Variants in GFM1 observed in about 807,000 individuals in gnomAD.
The protein encoded by GFM1 is G elongation factor mitochondrial 1, also known as elongation factor G, mitochondrial.
Under a neutral mutation model 96.2 loss-of-function variants are expected in GFM1, and 62 were observed. The observed-to-expected ratio is 0.64, with a 90% CI of 0.53 to 0.80. The LOEUF (loss-of-function observed/expected upper bound fraction) is 0.80, where lower values mean the gene tolerates loss of function less well. GFM1 is among the 30% of genes least tolerant of loss of function. The pLI, the probability that GFM1 is intolerant of heterozygous loss-of-function variation, is 0.00. For missense variants in GFM1, 852 were observed against 916.6 expected (o/e 0.93, Z 0.91); for synonymous variants, 282 against 312.9 (o/e 0.90, Z 1.04).
chr3:158,650,959 T>TG (rs1722243411), intron 5 of GFM1: 1 of 133,978 alleles, frequency 7.5e-6, no homozygotes, highest in African/African-American at 2.9e-5. Context: ...AGGCAGAGCT[T>TG]GCAGTGAGCC....
At chr3:158,690,398 C>G in intron 16 of GFM1, 75 bp downstream of exon 16, 1 of 1,360,538 alleles carries the variant, frequency 7.4e-7, no homozygotes, top group African/African-American at 1.4e-5. Context: ...TTTGTTTTTG[C>G]AAATGGACAC....
chr3:158,647,984 G>T, intron 4 of GFM1, among the ~76,000 whole-genome samples: 1 of 151,900 alleles, frequency 6.6e-6, no homozygotes, highest in South Asian at 2.1e-4. Flanking sequence ...TTTGGATTGG[G>T]CTTATGAGAG....
chr3:158,682,071 G>T lies in GFM1; in HGVS notation c.1678G>T (p.Asp560Tyr). 1 of 1,613,458 alleles carries T rather than the reference G, an allele frequency of 6.2e-7. No homozygotes were observed. Residue 560 changes from aspartate (D) to tyrosine (Y), a missense_variant, in exon 14 of 18, where the codon GAC becomes TAC. By Grantham distance (160) the Asp-to-Tyr change is radical. Coordinates refer to ENST00000486715, the MANE Select transcript of GFM1 (RefSeq NM_024996.7). ...GKVIGVLEPL[D>Y]PEDYTKLEFS... The stretch of plus-strand genomic sequence containing the variant: ...AGTAATAGGTGTCCTGGAGCCTCTG[G>T]ACCCAGAGGACTACACTAAATTGGA...
chr3:158,669,508 G>A lies in GFM1; in HGVS notation c.1601+3122G>A, dbSNP rs1408593869. On this transcript the variant is annotated intron_variant, in intron 13 of 17. Coordinates refer to ENST00000486715, the MANE Select transcript of GFM1 (RefSeq NM_024996.7). Reference sequence around the variant, plus strand: ...TAAAATGTGTTGTCTTCTTCATCTGGATTCTTTCCAGTTTCTCCTTCAAAT... The same window carrying A: ...TAAAATGTGTTGTCTTCTTCATCTGAATTCTTTCCAGTTTCTCCTTCAAAT... 5 of 1,613,852 alleles carry A rather than the reference G, an allele frequency of 3.1e-6. No individual in the cohort carries two copies. The highest frequency in any genetic ancestry group is 4.2e-6 in the Non-Finnish European group (5 of 1,179,864).
intron 5 of GFM1, among the ~76,000 whole-genome samples, chr3:158,651,720 G>C (rs1294791954): frequency 6.6e-6 from 1 of 152,112 alleles, no homozygotes; most frequent in African/African-American, 2.4e-5. Flanking sequence ...GATAAACCAG[G>C]TTGCATTAAA....
chr3:158,690,092 T>C (rs1726179980), intron 15 of GFM1, 71 bp from the exon 16 acceptor site: 1 of 1,370,120 alleles, frequency 7.3e-7, no homozygotes, highest in Admixed American at 1.7e-5. Flanking sequence ...TTTTTCTCCC[T>C]TTTTTATATC....
chr3:158,672,292 G>A, intron 13 of GFM1: 6 of 1,599,712 alleles, frequency 3.8e-6, no homozygotes, highest in South Asian at 1.1e-5. Flanking sequence ...GACCGCGGGT[G>A]AGTGGAGGGA....
intron 5 of GFM1, 136 bp downstream of exon 5, chr3:158,649,293 T>G (rs1395777843): frequency 1.2e-5 from 7 of 579,978 alleles, no homozygotes; most frequent in Middle Eastern, 9.9e-4. Context: ...TGGTTTTGTT[T>G]TAATACCTTT....
rs139290117 is a variant in GFM1, at chr3:158,668,249, C to A, written c.1601+1863C>A. On this transcript the variant is annotated intron_variant, in intron 13 of 17. Coordinates refer to ENST00000486715, the MANE Select transcript of GFM1 (RefSeq NM_024996.7). The stretch of plus-strand genomic sequence containing the variant: ...TAACCTATGCATACCTTCTCATATA[C>A]TTTAAATCATCTCTAGATTACTTAT... Among the ~76,000 whole-genome samples the A allele has an allele frequency of 9.4e-3, 1,427 of 152,252 alleles. 13 individuals carry two copies. Among genetic ancestry groups the A allele is most frequent in the Non-Finnish European group, 0.016 (1,084 of 68,020 alleles).
At position 158,653,404 on chromosome 3, in the gene GFM1, C is replaced by T; in HGVS notation, c.935C>T (p.Ala312Val). The change falls in exon 7 of 18, where the codon GCT (alanine) becomes GTT (valine). Residue 312 changes from alanine (A) to valine (V), a missense_variant. Physicochemically the swap from Ala to Val is moderately conservative, Grantham distance 64 (BLOSUM62 0). Coordinates refer to ENST00000486715, the MANE Select transcript of GFM1 (RefSeq NM_024996.7). Reference protein sequence around the residue: ...KNKGVQPLLDAVLEYLPNPSE... With the variant: ...KNKGVQPLLDVVLEYLPNPSE... ...AAAGGAGTTCAGCCTCTTTTAGATG[C>T]TGTTTTAGAATACCTCCCAAATCCA... 1 of 1,612,674 alleles carries T rather than the reference C, an allele frequency of 6.2e-7. No homozygotes were observed. Among genetic ancestry groups the T allele is most frequent in the South Asian group, 1.1e-5 (1 of 91,064 alleles).
rs372849837 is a variant in GFM1 at position 158,658,992 on chromosome 3, A to G, written c.1154A>G (p.Tyr385Cys). The change falls in exon 9 of 18, where the codon TAT becomes TGT. Residue 385 changes from tyrosine to cysteine, a missense_variant. Tyr to Cys is a radical substitution (Grantham distance 194, BLOSUM62 -2). Transcript: ENST00000486715. ...GAGCTAAAGAAGGGTGACACCATCTATAACACAAGGACAAGAAAGAAAGTA... is the reference window on the plus strand; with the variant it reads ...GAGCTAAAGAAGGGTGACACCATCTGTAACACAAGGACAAGAAAGAAAGTA... ...QGELKKGDTIYNTRTRKKVRL... is the reference protein window; with the variant it reads ...QGELKKGDTICNTRTRKKVRL... 21 of 1,614,086 alleles carry G rather than the reference A, an allele frequency of 1.3e-5. No homozygotes were observed. The highest frequency in any genetic ancestry group is 2.2e-5 in the South Asian group (2 of 91,090).
intron 13 of GFM1, chr3:158,667,088 T>TA: frequency 6.4e-7 from 1 of 1,571,958 alleles, no homozygotes; most frequent in Non-Finnish European, 8.6e-7. Context: ...TGACAAAAAA[T>TA]AAAAACGTGT....
chr3:158,694,548 G>A lies in GFM1; in HGVS notation c.*3081G>A, dbSNP rs915900732. On this transcript the variant is annotated 3_prime_UTR_variant, in exon 18 of 18. Transcript: ENST00000486715. The stretch of plus-strand genomic sequence containing the variant: ...ACCCCCAGGACACAAGTTTAGCTAT[G>A]TAACAAGCCTGCACATCAACCCCTG... Among the ~76,000 whole-genome samples, 2 of 152,110 alleles carry A rather than the reference G, an allele frequency of 1.3e-5. No individual in the cohort carries two copies. Among genetic ancestry groups the A allele is most frequent in the African/African-American group, 4.8e-5 (2 of 41,430 alleles).
chr3:158,684,557 T>G lies in GFM1; in HGVS notation c.1798T>G (p.Ser600Ala), dbSNP rs1191969882. ...FLDACEKGPL[S>A]GHKLSGLRFV... ...AGATGCCTGCGAGAAGGGCCCTCTT[T>G]CTGGTCACAAGCTCTCTGGGCTCCG... The change falls in exon 15 of 18, where the codon TCT (serine) becomes GCT (alanine). Residue 600 changes from serine to alanine, a missense_variant. By Grantham distance (99) the Ser-to-Ala change is moderately conservative. Coordinates refer to ENST00000486715, the MANE Select transcript of GFM1 (RefSeq NM_024996.7). 6.2e-7 allele frequency: 1 copy of G among 1,614,134 alleles called. No individual in the cohort carries two copies. The highest frequency in any genetic ancestry group is 1.7e-5 in the Admixed American group (1 of 60,002).
chr3:158,678,607 A>ATTGATGTTT (rs1725101879), intron 13 of GFM1, among the ~76,000 whole-genome samples: 1 of 152,262 alleles, frequency 6.6e-6, no homozygotes, highest in Non-Finnish European at 1.5e-5. Flanking sequence ...AAACTTGAAC[A>ATTGATGTTT]GATGAGGAGA....
At chr3:158,690,587 A>G (rs1422674660) in intron 16 of GFM1, 7 of 440,996 alleles carry the variant, frequency 1.6e-5, no homozygotes, top group Non-Finnish European at 2.8e-5. Flanking sequence ...TGGACAAATT[A>G]AAAAGAAAAG....
chr3:158,644,841 C>T (rs754681402), intron 1 of GFM1, 126 bp downstream of exon 1: 3 of 806,830 alleles, frequency 3.7e-6, no homozygotes, highest in African/African-American at 3.4e-5. Flanking sequence ...GGCAGTCGCT[C>T]GTCAGTGCTG....
intron 8 of GFM1, chr3:158,655,833 C>G (rs1406559373): frequency 8.8e-6 from 4 of 456,812 alleles, no homozygotes; most frequent in Admixed American, 7.1e-5. Context: ...TTCCGTCTCA[C>G]TAGACAGAAG....
intron 5 of GFM1, chr3:158,649,598 C>G (rs965431424): frequency 3.5e-5 from 7 of 201,090 alleles, no homozygotes; most frequent in Non-Finnish European, 7.1e-5. Flanking sequence ...ATTACATGGA[C>G]AGAAAAGATT....
Sources: allele counts gnomAD v4.1 joint callset (sites outside exome capture counted in the v4.1 genomes callset), GRCh38; gene constraint gnomAD v4.1.1; transcripts MANE v1.5; gene names NCBI Gene and HGNC (gene_info 2026-07-23, HGNC 2026-07-21).